LRMDA: variants seen among roughly 807,000 people sequenced by gnomAD.
The protein encoded by LRMDA is leucine rich melanocyte differentiation associated, also known as leucine-rich melanocyte differentiation-associated protein.
LRMDA carries 18 observed loss-of-function variants against 29.8 expected under a neutral mutation model. The observed-to-expected ratio is 0.60, with a 90% CI of 0.42 to 0.90. The LOEUF is 0.90. Ranked by LOEUF, LRMDA falls within the 40% of genes least tolerant of loss-of-function variation. The probability of loss-of-function intolerance (pLI) is 0.00; values close to 1 mark genes in which losing one functional copy is unlikely to be tolerated. For synonymous variants in LRMDA, 125 were observed against 109.4 expected (o/e 1.14, Z -0.89); for missense variants, 273 against 273.9 (o/e 1.00, Z 0.02).
chr10:76,052,569 G>GAAA (rs981808843), intron 4 of LRMDA, among the ~76,000 whole-genome samples: 1 of 151,418 alleles, frequency 6.6e-6, no homozygotes, highest in Non-Finnish European at 1.5e-5. Flanking sequence ...TGGAAAGAAA[G>GAAA]AAAAAAAAGG....
intron 5 of LRMDA, among the ~76,000 whole-genome samples, chr10:76,221,878 G>T (rs923965216): frequency 1.1e-4 from 17 of 151,902 alleles, no homozygotes; most frequent in Non-Finnish European, 2.1e-4. Context: ...ATACTACAAG[G>T]CTACAGTAAC....
intron 6 of LRMDA, among the ~76,000 whole-genome samples, chr10:76,394,019 G>C (rs759127281): frequency 2.6e-5 from 4 of 152,130 alleles, no homozygotes; most frequent in African/African-American, 9.7e-5. Flanking sequence ...ATTAGTCTAT[G>C]TGTCTTTATG....
intron 2 of LRMDA, among the ~76,000 whole-genome samples, chr10:75,913,182 G>T (rs945609958): frequency 1.3e-5 from 2 of 152,128 alleles, no homozygotes; most frequent in Non-Finnish European, 2.9e-5. Flanking sequence ...TTTCTGGCTG[G>T]GTACAGTGGC....
intron 3 of LRMDA, among the ~76,000 whole-genome samples, chr10:76,044,940 A>G (rs1848406485): frequency 6.9e-6 from 1 of 145,596 alleles, no homozygotes; most frequent in Admixed American, 6.9e-5. Flanking sequence ...CTCTCTTGTT[A>G]GTTTCCCCCT....
intron 2 of LRMDA, among the ~76,000 whole-genome samples, chr10:75,916,181 T>TGG: frequency 8.0e-6 from 1 of 125,694 alleles, no homozygotes; most frequent in Non-Finnish European, 1.7e-5. Flanking sequence ...TGTGTGTGTG[T>TGG]GTGTGTGTGT....
intron 2 of LRMDA, among the ~76,000 whole-genome samples, chr10:75,770,062 G>A (rs144609035): frequency 3.1e-4 from 47 of 151,992 alleles, no homozygotes; most frequent in South Asian, 8.3e-4. Flanking sequence ...CAGGAGGATC[G>A]CTGAGGAAGG....
rs56338207 is a variant in LRMDA at position 76,135,227 on chromosome 10, G to A, written c.516+76444G>A. ...TCATAATGCCCACAAATGTGCTAGC[G>A]TTGGCAGATCATCCATAGTGCGTCT... On this transcript the variant is annotated intron_variant, in intron 5 of 6. Coordinates refer to ENST00000611255, the MANE Select transcript of LRMDA (RefSeq NM_001305581.2). Among the ~76,000 whole-genome samples, 782 of 152,294 alleles carry A rather than the reference G, an allele frequency of 5.1e-3. 5 individuals are homozygous for A. Among genetic ancestry groups the A allele is most frequent in the African/African-American group, 0.017 (704 of 41,560 alleles).
chr10:75,822,209 C>T (rs564763620), intron 2 of LRMDA, among the ~76,000 whole-genome samples: 12 of 152,182 alleles, frequency 7.9e-5, no homozygotes, highest in Admixed American at 6.5e-4. Context: ...AAGACTGAAT[C>T]CCATTTACAG....
At chr10:75,529,947 A>G (rs1185066368) in intron 2 of LRMDA, among the ~76,000 whole-genome samples, 1 of 152,122 alleles carries the variant, frequency 6.6e-6, no homozygotes, top group Admixed American at 6.5e-5. Context: ...AAATCAAGGG[A>G]CATGGAGGAA....
intron 2 of LRMDA, among the ~76,000 whole-genome samples, chr10:75,722,230 A>G (rs1367504396): frequency 6.6e-6 from 1 of 152,134 alleles, no homozygotes; most frequent in South Asian, 2.1e-4. Flanking sequence ...TATTGCTACA[A>G]GACCATAAAT....
intron 2 of LRMDA, among the ~76,000 whole-genome samples, chr10:75,796,399 G>A (rs1168481147): frequency 6.6e-6 from 1 of 152,072 alleles, no homozygotes; most frequent in Non-Finnish European, 1.5e-5. Context: ...GACTTTTTCT[G>A]ATGCTTTTCA....
chr10:76,423,318 C>T (rs1449072379), intron 6 of LRMDA, among the ~76,000 whole-genome samples: 4 of 152,110 alleles, frequency 2.6e-5, no homozygotes, highest in Non-Finnish European at 4.4e-5. Context: ...CGCTTCAGCC[C>T]AGGAGATCGA....
At chr10:75,474,397 C>T (rs1242089117) in intron 2 of LRMDA, among the ~76,000 whole-genome samples, 1 of 152,198 alleles carries the variant, frequency 6.6e-6, no homozygotes, top group African/African-American at 2.4e-5. Flanking sequence ...GATTCAGTGT[C>T]TGGTTTCTCA....
intron 6 of LRMDA, among the ~76,000 whole-genome samples, chr10:76,394,205 C>T (rs1841756488): frequency 6.6e-6 from 1 of 151,986 alleles, no homozygotes; most frequent in Admixed American, 6.6e-5. Flanking sequence ...TTAAATAAAC[C>T]ATTTGTTTAA....
chr10:75,788,093 T>C (rs903604087), intron 2 of LRMDA, among the ~76,000 whole-genome samples: 1 of 152,022 alleles, frequency 6.6e-6, no homozygotes, highest in African/African-American at 2.4e-5. Flanking sequence ...CCTAGCTACT[T>C]GGGAGGCTGA....
intron 5 of LRMDA, among the ~76,000 whole-genome samples, chr10:76,193,143 G>A (rs190020688): frequency 4.6e-5 from 7 of 152,098 alleles, no homozygotes; most frequent in Admixed American, 1.3e-4. Context: ...TACATGTGTC[G>A]GAGTTTCCTT....
At chr10:75,553,380 G>A (rs968743426) in intron 2 of LRMDA, among the ~76,000 whole-genome samples, 1 of 152,238 alleles carries the variant, frequency 6.6e-6, no homozygotes, top group African/African-American at 2.4e-5. Flanking sequence ...TCAGCTTTCA[G>A]CTGGTCCCAT....
intron 5 of LRMDA, among the ~76,000 whole-genome samples, chr10:76,148,797 G>A (rs1156718279): frequency 1.3e-5 from 2 of 152,164 alleles, no homozygotes; most frequent in African/African-American, 2.4e-5. Context: ...GCTCGGAGCT[G>A]TAGATCGGAG....
intron 5 of LRMDA, among the ~76,000 whole-genome samples, chr10:76,170,759 T>G (rs1295413745): frequency 1.3e-5 from 2 of 152,200 alleles, no homozygotes; most frequent in Non-Finnish European, 2.9e-5. Context: ...ACCTTTTAGT[T>G]TTGTGATATT....
Sources: allele counts gnomAD v4.1 joint callset (sites outside exome capture counted in the v4.1 genomes callset), GRCh38; gene constraint gnomAD v4.1.1; transcripts MANE v1.5; gene names NCBI Gene and HGNC (gene_info 2026-07-23, HGNC 2026-07-21).